RASEF: variants seen among roughly 807,000 people sequenced by gnomAD.
RASEF encodes the protein ras and EF-hand domain-containing protein.
A neutral mutation model predicts 90.1 loss-of-function variants in RASEF; 68 were observed. That is an observed-to-expected ratio of 0.75 (90% CI 0.62 to 0.92). The LOEUF (loss-of-function observed/expected upper bound fraction) is 0.92. Ranked by LOEUF, RASEF falls within the 40% of genes least tolerant of loss-of-function variation. The probability of loss-of-function intolerance (pLI) is 0.00; values close to 1 mark genes in which losing one functional copy is unlikely to be tolerated. For synonymous variants in RASEF, 331 were observed against 345.2 expected (o/e 0.96, Z 0.46); for missense variants, 949 against 937.2 (o/e 1.01, Z -0.16).
chr9:83,165,113 A>C, the RASEF span, among the ~76,000 whole-genome samples: 3 of 152,104 alleles, frequency 2.0e-5, no homozygotes, highest in African/African-American at 7.2e-5. Flanking sequence ...ATGGAAAATC[A>C]GTATGGACAT....
chr9:82,988,906 T>A (rs894030796), intron 16 of RASEF, among the ~76,000 whole-genome samples: 2 of 152,170 alleles, frequency 1.3e-5, no homozygotes, highest in Non-Finnish European at 2.9e-5. Flanking sequence ...ATGTGCTAGG[T>A]CACATTCAAG....
At chr9:83,112,937 T>G in the RASEF span, among the ~76,000 whole-genome samples, 1 of 152,214 alleles carries the variant, frequency 6.6e-6, no homozygotes, top group Non-Finnish European at 1.5e-5. Context: ...TAAAACCTTT[T>G]TTCTGTAATT....
chr9:83,218,160 TG>T, the RASEF span, among the ~76,000 whole-genome samples: 1 of 152,170 alleles, frequency 6.6e-6, no homozygotes, highest in Non-Finnish European at 1.5e-5. Context: ...AAAGGTAGCA[TG>T]AATAAACACT....
the RASEF span, among the ~76,000 whole-genome samples, chr9:83,164,525 G>A: frequency 2.0e-5 from 3 of 149,826 alleles, no homozygotes; most frequent in Non-Finnish European, 3.0e-5. Flanking sequence ...ATATTGCAAT[G>A]TCTAGAGCAA....
the RASEF span, among the ~76,000 whole-genome samples, chr9:83,114,386 T>C: frequency 6.6e-6 from 1 of 152,132 alleles, no homozygotes; most frequent in Non-Finnish European, 1.5e-5. Flanking sequence ...TTGCATTAAC[T>C]GCACAAGTGT....
At chr9:83,048,607 G>A (rs1829976229) in intron 1 of RASEF, 1 of 985,386 alleles carries the variant, frequency 1.0e-6, no homozygotes, top group Non-Finnish European at 1.2e-6. Flanking sequence ...AGGAAAAAGG[G>A]CGAGAAGAGT....
the RASEF span, among the ~76,000 whole-genome samples, chr9:83,169,557 TTTGG>T: frequency 6.6e-6 from 1 of 151,906 alleles, no homozygotes; most frequent in Non-Finnish European, 1.5e-5. Flanking sequence ...TGGGTTTTTG[TTTGG>T]TTGGTTTTTT....
the RASEF span, among the ~76,000 whole-genome samples, chr9:83,085,692 G>A: frequency 6.6e-5 from 10 of 151,958 alleles, no homozygotes; most frequent in African/African-American, 2.4e-5. Context: ...TTGGGAGGCC[G>A]AGGCGGTGAA....
chr9:83,046,064 G>A (rs572171790), intron 1 of RASEF, among the ~76,000 whole-genome samples: 1 of 149,408 alleles, frequency 6.7e-6, no homozygotes, highest in South Asian at 2.1e-4. Context: ...ATATTTTCAT[G>A]TTTAAACACT....
At chr9:83,143,793 A>G in the RASEF span, among the ~76,000 whole-genome samples, 3 of 152,246 alleles carry the variant, frequency 2.0e-5, no homozygotes, top group African/African-American at 4.8e-5. Flanking sequence ...CGGCCTAGCA[A>G]TCCCATTACT....
At chr9:83,062,346 G>T in intron 1 of RASEF, 91 bp downstream of exon 1, 1 of 1,221,052 alleles carries the variant, frequency 8.2e-7, no homozygotes, top group South Asian at 1.4e-5. Context: ...ACTAGGGGGG[G>T]GGGCCATTGG....
intron 1 of RASEF, among the ~76,000 whole-genome samples, chr9:83,039,632 G>C (rs1829802668): frequency 6.6e-6 from 1 of 152,144 alleles, no homozygotes. Context: ...GAGAAAGTAG[G>C]AGATTCTAGA....
At chr9:83,112,313 A>G in the RASEF span, among the ~76,000 whole-genome samples, 1 of 152,216 alleles carries the variant, frequency 6.6e-6, no homozygotes, top group African/African-American at 2.4e-5. Flanking sequence ...ATCCTATTAC[A>G]TATAAAAGTA....
the RASEF span, among the ~76,000 whole-genome samples, chr9:83,129,200 A>G: frequency 6.6e-6 from 1 of 152,082 alleles, no homozygotes; most frequent in Non-Finnish European, 1.5e-5. Context: ...GGGTCAGGAG[A>G]TCGAGATCAT....
chr9:83,168,582 C>T, the RASEF span, among the ~76,000 whole-genome samples: 3 of 151,996 alleles, frequency 2.0e-5, no homozygotes, highest in Admixed American at 6.6e-5. Context: ...GGATTAATAA[C>T]CAGAATATAT....
At chr9:83,133,965 T>C in the RASEF span, among the ~76,000 whole-genome samples, 2 of 152,124 alleles carry the variant, frequency 1.3e-5, no homozygotes, top group Non-Finnish European at 2.9e-5. Flanking sequence ...TTCTCTTACA[T>C]AGAGATCACA....
At chr9:83,168,416 T>C in the RASEF span, among the ~76,000 whole-genome samples, 1 of 152,156 alleles carries the variant, frequency 6.6e-6, no homozygotes, top group African/African-American at 2.4e-5. Flanking sequence ...CATGTGATAT[T>C]GTGATACAAC....
intron 7 of RASEF, 68 bp from the exon 8 acceptor site, chr9:83,005,568 T>G: frequency 8.6e-7 from 1 of 1,161,460 alleles, no homozygotes; most frequent in Non-Finnish European, 1.3e-6. Context: ...TGTCATCACT[T>G]TCTTTTCTAG....
chr9:83,082,157 G>GA, the RASEF span, among the ~76,000 whole-genome samples: 1 of 152,112 alleles, frequency 6.6e-6, no homozygotes, highest in Non-Finnish European at 1.5e-5. Flanking sequence ...GGCCAGGACG[G>GA]AAAAAACGAT....
Sources: allele counts gnomAD v4.1 joint callset (sites outside exome capture counted in the v4.1 genomes callset), GRCh38; gene constraint gnomAD v4.1.1; transcripts MANE v1.5; gene names NCBI Gene and HGNC (gene_info 2026-07-23, HGNC 2026-07-21).